The following HAUS6 variants were observed in gnomAD, a reference collection of about 807,000 sequenced individuals.
HAUS6 encodes HAUS augmin like complex subunit 6.
HAUS6 carries 80 observed loss-of-function variants against 106.8 expected under a neutral mutation model. That is an observed-to-expected ratio of 0.75 (90% CI 0.63 to 0.90). The LOEUF (loss-of-function observed/expected upper bound fraction) is 0.90. HAUS6 is among the 40% of genes least tolerant of loss of function. The pLI is 0.00. For missense variants in HAUS6, 1,155 were observed against 1,118.1 expected (o/e 1.03, Z -0.47); for synonymous variants, 356 against 379.1 (o/e 0.94, Z 0.71).
rs147677617 is a variant in HAUS6 at position 19,093,316 on chromosome 9, G to C, written c.304-13C>G. The C allele has an allele frequency of 4.4e-6, 7 of 1,587,142 alleles. No homozygotes were observed. The highest frequency in any genetic ancestry group is 2.7e-5 in the African/African-American group (2 of 73,522). The stretch of plus-strand genomic sequence containing the variant: ...TTCCACATTCACCCTATGAAGAAAA[G>C]AAATAAGATGATTTGAAGACCTTGT... On this transcript the variant is annotated splice_polypyrimidine_tract_variant and intron_variant, in intron 3 of 16. Coordinates refer to ENST00000380502, the MANE Select transcript of HAUS6 (RefSeq NM_017645.5).
At chr9:19,091,707 G>A (rs187171620) in intron 4 of HAUS6, among the ~76,000 whole-genome samples, 106 of 152,232 alleles carry the variant, frequency 7.0e-4, no homozygotes, top group Middle Eastern at 6.8e-3. Flanking sequence ...TATCACCCAG[G>A]CTGGAATGCA....
In HAUS6 at chr9:19,055,281, G is replaced by C. The variant is rs1836444392; in HGVS notation, c.*1062C>G. The C allele has an allele frequency of 6.6e-6, 1 of 152,202 alleles. No individual in the cohort carries two copies. The highest frequency in any genetic ancestry group is 1.5e-5 in the Non-Finnish European group (1 of 68,034). The allele number at this position is 152,202 out of a possible 1,614,324, so 9.4% of individuals were successfully genotyped here. A position where few individuals can be genotyped will look rare whatever the true frequency, so the allele number is the denominator to read the frequency against. On this transcript the variant is annotated 3_prime_UTR_variant, in exon 17 of 17. Coordinates refer to ENST00000380502, the MANE Select transcript of HAUS6 (RefSeq NM_017645.5). ...AGGTACTATCACCCTTCCATTGCCTGTTCCATTCCTCCTGGTTCACAGAGG... is the reference window on the plus strand; with the variant it reads ...AGGTACTATCACCCTTCCATTGCCTCTTCCATTCCTCCTGGTTCACAGAGG...
intron 10 of HAUS6, 42 bp downstream of exon 10, chr9:19,078,130 AAAAG>A: frequency 6.5e-7 from 1 of 1,528,316 alleles, no homozygotes; most frequent in Non-Finnish European, 8.9e-7. Context: ...AAAAAAAAAA[AAAAG>A]GTGGGTGGCG....
At chr9:19,080,174 CAAAAAAAAAAAA>C (rs746423003) in intron 9 of HAUS6, among the ~76,000 whole-genome samples, 1 of 37,592 alleles carries the variant, frequency 2.7e-5, no homozygotes, top group African/African-American at 8.9e-5. Flanking sequence ...AACTCCGTCT[CAAAAAAAAAAAA>C]AAAAAAAAAA....
intron 7 of HAUS6, 21 bp downstream of exon 7, chr9:19,086,713 T>A: frequency 9.3e-7 from 1 of 1,071,208 alleles, no homozygotes; most frequent in South Asian, 1.3e-5. Flanking sequence ...ATTAAATTTC[T>A]CCTTTTATAA....
intron 12 of HAUS6, among the ~76,000 whole-genome samples, chr9:19,065,972 G>A (rs1467892234): frequency 2.2e-5 from 3 of 133,818 alleles, no homozygotes; most frequent in African/African-American, 8.6e-5. Context: ...CTCTCACTCT[G>A]TCGCCCACAC....
chr9:19,070,557 T>C (rs1836862980), intron 11 of HAUS6, among the ~76,000 whole-genome samples: 1 of 152,194 alleles, frequency 6.6e-6, no homozygotes, highest in South Asian at 2.1e-4. Context: ...GAATCCATAA[T>C]TCCCCAGTGT....
At position 19,055,998 on chromosome 9, in the gene HAUS6, TATTA is replaced by T. The variant is rs1372384629; in HGVS notation, c.*341_*344del. The T allele has an allele frequency of 9.7e-6, 2 of 206,992 alleles. No homozygotes were observed. Among genetic ancestry groups the T allele is most frequent in the Non-Finnish European group, 1.9e-5 (2 of 103,712 alleles). The allele number at this position is 206,992 out of a possible 1,614,324, so 12.8% of individuals were successfully genotyped here. ...GAACATACAACAAAAACTATCCTTA[TATTA>T]ATTGACTGAAGTTATAACATAAGAA... On this transcript the variant is annotated 3_prime_UTR_variant, in exon 17 of 17. Coordinates refer to ENST00000380502, the MANE Select transcript of HAUS6 (RefSeq NM_017645.5).
chr9:19,072,546 T>C (rs1244564430), intron 11 of HAUS6, among the ~76,000 whole-genome samples: 1 of 149,626 alleles, frequency 6.7e-6, no homozygotes, highest in Non-Finnish European at 1.5e-5. Context: ...GAATGACAAG[T>C]AGACCAAGAG....
At chr9:19,092,716 G>T (rs1191370705) in intron 4 of HAUS6, among the ~76,000 whole-genome samples, 2 of 150,878 alleles carry the variant, frequency 1.3e-5, no homozygotes, top group Non-Finnish European at 2.9e-5. Context: ...CTGAGGTCAG[G>T]AGTTCAAGAC....
chr9:19,085,719 A>G (rs1223709478), intron 7 of HAUS6, among the ~76,000 whole-genome samples: 1 of 152,072 alleles, frequency 6.6e-6, no homozygotes, highest in African/African-American at 2.4e-5. Flanking sequence ...CCCTCCTGCC[A>G]AACCAGACTC....
chr9:19,070,132 G>A lies in HAUS6; in HGVS notation c.1376+87C>T, dbSNP rs139021127. ...ACTCCCCAACAGACCCAGAAGTCCA[G>A]CTGGCTTCACCTCTCAGTTCCATCT... On this transcript the variant is annotated intron_variant, in intron 12 of 16. Transcript: ENST00000380502. 1.4e-3 allele frequency: 1,047 copies of A among 757,550 alleles called. 6 individuals are homozygous for A. In the African/African-American group the frequency reaches 0.017, roughly 12 times the overall value. 46.9% of individuals were successfully genotyped at this position (757,550 alleles called of 1,614,324 possible). A position where few individuals can be genotyped will look rare whatever the true frequency, so the allele number is the denominator to read the frequency against.
chr9:19,092,945 C>T (rs1265905569), intron 4 of HAUS6, among the ~76,000 whole-genome samples: 1 of 141,116 alleles, frequency 7.1e-6, no homozygotes, highest in Non-Finnish European at 1.6e-5. Context: ...AAATGTTTCC[C>T]AACCCTTGTA....
At chr9:19,076,204 A>T (rs1837000893) in intron 11 of HAUS6, among the ~76,000 whole-genome samples, 1 of 151,810 alleles carries the variant, frequency 6.6e-6, no homozygotes, top group African/African-American at 2.4e-5. Context: ...TACAAAAAAA[A>T]AAAAATATAA....
chr9:19,077,776 T>C (rs1837043484), intron 10 of HAUS6, among the ~76,000 whole-genome samples: 2 of 151,940 alleles, frequency 1.3e-5, no homozygotes, highest in Non-Finnish European at 2.9e-5. Flanking sequence ...AAAAGGCAAA[T>C]TGGCTGAGTG....
chr9:19,093,597 G>C (rs773896439), intron 3 of HAUS6, among the ~76,000 whole-genome samples: 9 of 152,152 alleles, frequency 5.9e-5, no homozygotes, highest in African/African-American at 2.2e-4. Flanking sequence ...GGCTGGGTGT[G>C]GTGGCTCATA....
chr9:19,086,297 A>T (rs1837294151), intron 7 of HAUS6, among the ~76,000 whole-genome samples: 3 of 119,500 alleles, frequency 2.5e-5, no homozygotes, highest in South Asian at 2.6e-4. Flanking sequence ...GGAGAGTGAG[A>T]CTCCATCTCA....
rs1047723421 is a variant in HAUS6, at chr9:19,053,781, G to A, written c.*2562C>T. 6.6e-6 allele frequency: 1 copy of A among 152,068 alleles called. No homozygotes were observed. Among genetic ancestry groups the A allele is most frequent in the African/African-American group, 2.4e-5 (1 of 41,402 alleles). The allele number at this position is 152,068 out of a possible 1,614,324, so 9.4% of individuals were successfully genotyped here. ...TCTTTACCATTTATTCCATGATATA[G>A]GAGGCAAACAAAACAATTCCAAAAC... is the stretch of plus-strand genomic sequence containing the variant. On this transcript the variant is annotated 3_prime_UTR_variant, in exon 17 of 17. Coordinates refer to ENST00000380502, the MANE Select transcript of HAUS6 (RefSeq NM_017645.5).
At chr9:19,082,834 G>C in intron 8 of HAUS6, 39 bp downstream of exon 8, 1 of 1,019,950 alleles carries the variant, frequency 9.8e-7, no homozygotes, top group African/African-American at 1.7e-5. Flanking sequence ...TTACATGATA[G>C]GAGTTTTCTC....
Sources: gnomAD v4.1 joint callset for allele counts (sites outside exome capture counted in the v4.1 genomes callset) on GRCh38, gnomAD v4.1.1 for gene constraint, MANE v1.5 for transcripts, NCBI Gene and HGNC (gene_info 2026-07-23, HGNC 2026-07-21) for gene names.